EPC2: variants seen among roughly 807,000 people sequenced by gnomAD.
EPC2 encodes enhancer of polycomb homolog 2.
A neutral mutation model predicts 92.1 loss-of-function variants in EPC2; 14 were observed. The ratio of observed to expected loss-of-function variants is 0.15; its 90% CI spans 0.10 to 0.24. The LOEUF (loss-of-function observed/expected upper bound fraction) is 0.24, where lower values mean the gene tolerates loss of function less well. Among genes scored for constraint, EPC2 ranks in the 10% least tolerant of loss-of-function variants. The pLI is 1.00. For synonymous variants in EPC2, 340 were observed against 334.7 expected (o/e 1.02, Z -0.17); for missense variants, 755 against 971.5 (o/e 0.78, Z 2.96).
rs536778454 is a variant in EPC2, at chr2:148,704,775, G to C, written c.313+14402G>C. Among the ~76,000 whole-genome samples the C allele has an allele frequency of 7.9e-5, 12 of 152,334 alleles. No homozygotes were observed. The South Asian group carries it at 2.3e-3, about 29-fold the overall frequency. On this transcript the variant is annotated intron_variant, in intron 2 of 13. Transcript: ENST00000258484. ...AACAACAGGGATATAACTTAGCCCA[G>C]AGTTGGAGGCAAATTAGCTTTGCAT...
At chr2:148,730,363 G>A (rs567469288) in intron 2 of EPC2, among the ~76,000 whole-genome samples, 16 of 152,288 alleles carry the variant, frequency 1.1e-4, no homozygotes, top group African/African-American at 3.9e-4. Flanking sequence ...GGTTATTGAA[G>A]CCTGAGAACC....
At chr2:148,657,135 G>A (rs970826105) in intron 1 of EPC2, among the ~76,000 whole-genome samples, 1 of 152,062 alleles carries the variant, frequency 6.6e-6, no homozygotes, top group Non-Finnish European at 1.5e-5. Context: ...ATTATAAACA[G>A]TGCCTATTGA....
Position 148,644,977 on chromosome 2 carries a change from C to T in EPC2, c.-41C>T, listed in dbSNP as rs1683763320. ...GTCCTCCCCCCCTCCCCGCCCGCCC[C>T]GCCGCCGCCGCCCGGGCTGTTCCTG... On this transcript the variant is annotated 5_prime_UTR_variant, in exon 1 of 14. Coordinates refer to ENST00000258484, the MANE Select transcript of EPC2 (RefSeq NM_015630.4). 2.7e-6 allele frequency: 4 copies of T among 1,506,380 alleles called. No homozygotes were observed. The highest frequency in any genetic ancestry group is 1.4e-5 in the African/African-American group (1 of 71,274). The allele number at this position is 1,506,380 out of a possible 1,614,324, so 93.3% of individuals were successfully genotyped here. A position where few individuals can be genotyped will look rare whatever the true frequency, so the allele number is the denominator to read the frequency against.
chr2:148,757,122 A>AT (rs1346284739), intron 4 of EPC2, among the ~76,000 whole-genome samples: 1 of 151,928 alleles, frequency 6.6e-6, no homozygotes, highest in African/African-American at 2.4e-5. Flanking sequence ...CACGCCTGTA[A>AT]TCCCAGCACT....
At chr2:148,772,427 G>C (rs12623576) in intron 10 of EPC2, among the ~76,000 whole-genome samples, 101,863 of 151,914 alleles carry the variant, frequency 0.67, 35,661 homozygotes, top group Non-Finnish European at 0.79. Context: ...CCTGGATGAT[G>C]CATTCTAGGA....
intron 11 of EPC2, among the ~76,000 whole-genome samples, chr2:148,782,998 G>A (rs1349808817): frequency 6.6e-6 from 1 of 152,154 alleles, no homozygotes; most frequent in Non-Finnish European, 1.5e-5. Context: ...TAAAGATCCT[G>A]ACTCCAGTAA....
At chr2:148,665,460 G>T (rs1428582992) in intron 1 of EPC2, among the ~76,000 whole-genome samples, 1 of 152,010 alleles carries the variant, frequency 6.6e-6, no homozygotes, top group Non-Finnish European at 1.5e-5. Context: ...GAAGACCGTG[G>T]TCTTACTTAG....
chr2:148,701,242 T>C (rs769841690), intron 2 of EPC2, among the ~76,000 whole-genome samples: 5 of 152,240 alleles, frequency 3.3e-5, no homozygotes, highest in Non-Finnish European at 5.9e-5. Context: ...CTAATCTGTA[T>C]ACTTTTTATT....
intron 3 of EPC2, among the ~76,000 whole-genome samples, chr2:148,747,377 G>A (rs750829925): frequency 1.3e-5 from 2 of 151,860 alleles, no homozygotes; most frequent in Non-Finnish European, 2.9e-5. Flanking sequence ...TATAGTCCTC[G>A]AATATTTTAT....
intron 2 of EPC2, among the ~76,000 whole-genome samples, chr2:148,709,122 A>T (rs1233648882): frequency 6.6e-6 from 1 of 152,212 alleles, no homozygotes; most frequent in Non-Finnish European, 1.5e-5. Context: ...AAATCTCCTT[A>T]AGCTAATAAG....
chr2:148,747,646 C>G (rs542894381), intron 3 of EPC2, among the ~76,000 whole-genome samples: 99 of 152,224 alleles, frequency 6.5e-4, no homozygotes, highest in Non-Finnish European at 1.1e-3. Flanking sequence ...CCAGTGGTCT[C>G]CTAATTGTCA....
At chr2:148,748,226 T>C (rs760279474) in intron 3 of EPC2, among the ~76,000 whole-genome samples, 3 of 152,048 alleles carry the variant, frequency 2.0e-5, no homozygotes, top group Non-Finnish European at 2.9e-5. Context: ...TGTGCCTGCT[T>C]CCCTTTCGCC....
chr2:148,657,549 A>G (rs771047505), intron 1 of EPC2, among the ~76,000 whole-genome samples: 60 of 152,190 alleles, frequency 3.9e-4, no homozygotes, highest in African/African-American at 1.3e-3. Context: ...AGAAGTTCCC[A>G]GGTGATCCTG....
At chr2:148,742,931 ATCTTTT>A (rs1682906577) in intron 2 of EPC2, among the ~76,000 whole-genome samples, 2 of 152,188 alleles carry the variant, frequency 1.3e-5, no homozygotes, top group East Asian at 1.9e-4. Flanking sequence ...TATATAGTAC[ATCTTTT>A]TCTTTTTGTT....
At chr2:148,697,259 G>A (rs1236214453) in intron 2 of EPC2, among the ~76,000 whole-genome samples, 1 of 151,610 alleles carries the variant, frequency 6.6e-6, no homozygotes, top group Non-Finnish European at 1.5e-5. Flanking sequence ...CACTTTAAAC[G>A]TAGAAATTCA....
Position 148,736,556 on chromosome 2 carries a change from A to G in EPC2, c.314-7066A>G, listed in dbSNP as rs1440649724. ...GTTGGCCATGTCTCTAAGATTGATT[A>G]GTAGGCCTGACCTATGAAATATGCA... On this transcript the variant is annotated intron_variant, in intron 2 of 13. Coordinates refer to ENST00000258484, the MANE Select transcript of EPC2 (RefSeq NM_015630.4). Among the ~76,000 whole-genome samples, 27 of 152,164 alleles carry G rather than the reference A, an allele frequency of 1.8e-4. 1 individual carries two copies. The highest frequency in any genetic ancestry group is 1.8e-3 in the Admixed American group (27 of 15,274).
At chr2:148,781,382 A>G (rs946048819) in intron 10 of EPC2, among the ~76,000 whole-genome samples, 1 of 152,190 alleles carries the variant, frequency 6.6e-6, no homozygotes, top group African/African-American at 2.4e-5. Context: ...ATAAATGGTA[A>G]AATACTCATG....
At position 148,771,340 on chromosome 2, in the gene EPC2, C is replaced by T; in HGVS notation, c.1673C>T (p.Ser558Phe). Reference protein sequence around the residue: ...PGQTVNNKRVSAASVALLNTS... With the variant: ...PGQTVNNKRVFAASVALLNTS... The stretch of plus-strand genomic sequence containing the variant: ...CAGACTGTGAACAATAAAAGAGTTT[C>T]TGCAGCATCTGTAGCTTTATTGAAC... Residue 558 changes from serine to phenylalanine, a missense_variant, in exon 10 of 14, where the codon TCT (serine) becomes TTT (phenylalanine). Physicochemically the swap from Ser to Phe is radical, Grantham distance 155. Around this residue, in one of 4 missense-constraint regions of EPC2, gnomAD observed 509 missense variants for 607.7 expected, o/e 0.84. Transcript: ENST00000258484. 1 of 1,611,226 alleles carries T rather than the reference C, an allele frequency of 6.2e-7. No homozygotes were observed. The highest frequency in any genetic ancestry group is 8.5e-7 in the Non-Finnish European group (1 of 1,179,088).
chr2:148,785,258 G>C (rs568573705), intron 13 of EPC2, among the ~76,000 whole-genome samples: 1 of 152,170 alleles, frequency 6.6e-6, no homozygotes, highest in African/African-American at 2.4e-5. Context: ...GAAAGGAAAA[G>C]AAAGAAAAGG....
Sources: allele counts gnomAD v4.1 joint callset (sites outside exome capture counted in the v4.1 genomes callset), GRCh38; gene constraint gnomAD v4.1.1; regional missense constraint gnomAD v4.1.1; transcripts MANE v1.5; gene names NCBI Gene and HGNC (gene_info 2026-07-23, HGNC 2026-07-21).